The following PRDM6 variants were observed in gnomAD, a reference collection of about 807,000 sequenced individuals.
PRDM6 encodes putative histone-lysine N-methyltransferase PRDM6.
Under a neutral mutation model 60.8 loss-of-function variants are expected in PRDM6, and 25 were observed. The ratio of observed to expected loss-of-function variants is 0.41; its 90% CI spans 0.30 to 0.57. The LOEUF is 0.57. PRDM6 is among the 20% of genes least tolerant of loss of function. The probability of loss-of-function intolerance (pLI) is 0.27; values close to 1 mark genes in which losing one functional copy is unlikely to be tolerated. For missense variants in PRDM6, 839 were observed against 821.3 expected, an observed-to-expected ratio of 1.02 and a Z score of -0.26; for synonymous variants, 407 against 357.4, an observed-to-expected ratio of 1.14 and a Z score of -1.57.
intron 6 of PRDM6, among the ~76,000 whole-genome samples, chr5:123,177,160 T>C (rs552898861): frequency 8.5e-5 from 13 of 152,364 alleles, no homozygotes; most frequent in Admixed American, 3.3e-4. Flanking sequence ...TTTGAACGTA[T>C]TCCTGTTTCC....
intron 3 of PRDM6, among the ~76,000 whole-genome samples, chr5:123,132,774 T>C (rs1189028982): frequency 6.6e-6 from 1 of 152,090 alleles, no homozygotes; most frequent in Non-Finnish European, 1.5e-5. Context: ...GTTTTGGAAG[T>C]TTTTAGTTCA....
chr5:123,172,554 A>G (rs1043127432), intron 6 of PRDM6, among the ~76,000 whole-genome samples: 1 of 152,232 alleles, frequency 6.6e-6, no homozygotes, highest in African/African-American at 2.4e-5. Context: ...TTGCAAGTAT[A>G]CGTAGAACCT....
At chr5:123,111,687 G>GAA (rs113036372) in intron 3 of PRDM6, among the ~76,000 whole-genome samples, 175 of 109,904 alleles carry the variant, frequency 1.6e-3, no homozygotes, top group African/African-American at 4.1e-3. Flanking sequence ...GACAGAGCGA[G>GAA]AAAACAAAAC....
rs1766415604 is a variant in PRDM6, at chr5:123,190,733, C to A, written c.*3532C>A. On this transcript the variant is annotated 3_prime_UTR_variant, in exon 8 of 8. Transcript: ENST00000407847. ...TTTTTAAATCAGATGTTCATTGTTT[C>A]ATTCATTTATTCAACAAGTATTTAT... The A allele has an allele frequency of 1.3e-5, 2 of 152,204 alleles. No individual in the cohort carries two copies. Among genetic ancestry groups the A allele is most frequent in the South Asian group, 4.1e-4 (2 of 4,828 alleles). The allele number at this position is 152,204 out of a possible 1,614,324, so 9.4% of individuals were successfully genotyped here.
chr5:123,186,991 T>C, intron 7 of PRDM6, 96 bp from the exon 8 acceptor site: 1 of 907,802 alleles, frequency 1.1e-6, no homozygotes, highest in Admixed American at 2.2e-5. Context: ...CTGAAGCCAC[T>C]TTGGAGTGTC....
At chr5:123,138,803 A>C (rs1016563736) in intron 3 of PRDM6, among the ~76,000 whole-genome samples, 3 of 152,206 alleles carry the variant, frequency 2.0e-5, no homozygotes, top group African/African-American at 7.2e-5. Flanking sequence ...ACCTGGTCTA[A>C]GGAGAGAAGC....
chr5:123,112,917 T>C (rs1764348953), intron 3 of PRDM6, among the ~76,000 whole-genome samples: 1 of 151,534 alleles, frequency 6.6e-6, no homozygotes, highest in Non-Finnish European at 1.5e-5. Context: ...TTCACTTTTA[T>C]AGTAAACAAC....
rs573695395 is a variant in PRDM6, at chr5:123,105,985, T to G, written c.900+6024T>G. On this transcript the variant is annotated intron_variant, in intron 3 of 7. Coordinates refer to ENST00000407847, the MANE Select transcript of PRDM6 (RefSeq NM_001136239.4). ...CCTAATGGCTCAAACCCTGATTTACTCACTGTAATAAGGGCAGGAGGTCGA... is the reference window on the plus strand; with the variant it reads ...CCTAATGGCTCAAACCCTGATTTACGCACTGTAATAAGGGCAGGAGGTCGA... 9.8e-5 allele frequency among the ~76,000 whole-genome samples: 15 copies of G among 152,336 alleles called. No homozygotes were observed. The South Asian group carries it at 2.9e-3, about 29-fold the overall frequency.
chr5:123,120,986 C>T (rs1580494587), intron 3 of PRDM6, among the ~76,000 whole-genome samples: 1 of 151,880 alleles, frequency 6.6e-6, no homozygotes, highest in Non-Finnish European at 1.5e-5. Context: ...GGACCTTTTT[C>T]CTTATGTTTG....
At chr5:123,121,755 T>C (rs1764585303) in intron 3 of PRDM6, among the ~76,000 whole-genome samples, 1 of 152,194 alleles carries the variant, frequency 6.6e-6, no homozygotes, top group South Asian at 2.1e-4. Flanking sequence ...TTTTTATAGT[T>C]AGTTTGTTTC....
At chr5:123,160,066 A>C (rs574914120) in intron 5 of PRDM6, among the ~76,000 whole-genome samples, 1 of 152,388 alleles carries the variant, frequency 6.6e-6, no homozygotes, top group East Asian at 1.9e-4. Flanking sequence ...AATGACATTT[A>C]ATCAGGGGTA....
chr5:123,094,309 G>C (rs1168708245), intron 2 of PRDM6, among the ~76,000 whole-genome samples: 2 of 152,134 alleles, frequency 1.3e-5, no homozygotes, highest in Non-Finnish European at 2.9e-5. Flanking sequence ...TTGTGCAACC[G>C]AGGAACATCC....
At chr5:123,164,383 T>C (rs1765708107) in intron 5 of PRDM6, among the ~76,000 whole-genome samples, 1 of 152,136 alleles carries the variant, frequency 6.6e-6, no homozygotes, top group African/African-American at 2.4e-5. Flanking sequence ...AATGCTGCCC[T>C]CAAGCCAGTA....
chr5:123,185,958 G>T (rs988739880), intron 7 of PRDM6, among the ~76,000 whole-genome samples: 4 of 152,322 alleles, frequency 2.6e-5, no homozygotes, highest in Middle Eastern at 3.4e-3. Context: ...CAAACTGGAG[G>T]TTGCATTATT....
chr5:123,127,676 CTTCT>C lies in PRDM6; in HGVS notation c.900+27726_900+27729del, dbSNP rs894555304. Among the ~76,000 whole-genome samples, 906 of 152,092 alleles carry C rather than the reference CTTCT, an allele frequency of 6.0e-3. 12 individuals carry two copies. Among genetic ancestry groups the C allele is most frequent in the African/African-American group, 0.021 (870 of 41,468 alleles). ...AGAGAAATGCTATTCTAAGGGATTT[CTTCT>C]TTCTTTCTTTTCTTTCTCTTTCTTT... is the stretch of plus-strand genomic sequence containing the variant. On this transcript the variant is annotated intron_variant, in intron 3 of 7. Transcript: ENST00000407847.
chr5:123,095,910 G>T (rs1763948340), intron 2 of PRDM6, among the ~76,000 whole-genome samples: 1 of 152,162 alleles, frequency 6.6e-6, no homozygotes, highest in Admixed American at 6.5e-5. Flanking sequence ...GGCCTGCTTT[G>T]CCGCCTTTAC....
At chr5:123,125,294 C>G (rs1764671266) in intron 3 of PRDM6, among the ~76,000 whole-genome samples, 1 of 152,182 alleles carries the variant, frequency 6.6e-6, no homozygotes, top group Admixed American at 6.5e-5. Flanking sequence ...CTTGGTGACT[C>G]ATAGTCTGTT....
chr5:123,140,853 T>G (rs535852221), intron 3 of PRDM6, among the ~76,000 whole-genome samples: 2 of 152,254 alleles, frequency 1.3e-5, no homozygotes, highest in African/African-American at 4.8e-5. Context: ...AGAAGGCAAG[T>G]TGTTAATTCT....
intron 3 of PRDM6, among the ~76,000 whole-genome samples, chr5:123,138,535 G>A (rs1765022933): frequency 6.6e-6 from 1 of 152,144 alleles, no homozygotes; most frequent in Non-Finnish European, 1.5e-5. Flanking sequence ...ATTTGAATTT[G>A]CTTTATTCAA....
Sources: gnomAD v4.1 joint callset for allele counts (sites outside exome capture counted in the v4.1 genomes callset) on GRCh38, gnomAD v4.1.1 for gene constraint, MANE v1.5 for transcripts, NCBI Gene and HGNC (gene_info 2026-07-23, HGNC 2026-07-21) for gene names.